The following PDE10A variants were observed in gnomAD, a reference collection of about 807,000 sequenced individuals.
The protein encoded by PDE10A is cAMP and cAMP-inhibited cGMP 3',5'-cyclic phosphodiesterase 10A.
In PDE10A, 39 loss-of-function variants were observed where a neutral mutation model predicts 97.7. The ratio of observed to expected loss-of-function variants is 0.40; its 90% CI spans 0.31 to 0.52. PDE10A has a LOEUF of 0.52. Among genes scored for constraint, PDE10A ranks in the 20% least tolerant of loss-of-function variants. The probability of loss-of-function intolerance (pLI) is 0.56; values close to 1 mark genes in which losing one functional copy is unlikely to be tolerated. For synonymous variants in PDE10A, 371 were observed against 376.8 expected (o/e 0.98, Z 0.18); for missense variants, 731 against 1,047.8 (o/e 0.70, Z 4.17).
At chr6:165,584,206 T>C (rs1785774654) in intron 1 of PDE10A, among the ~76,000 whole-genome samples, 1 of 152,176 alleles carries the variant, frequency 6.6e-6, no homozygotes, top group Non-Finnish European at 1.5e-5. Context: ...ACAACATGCT[T>C]GGTGCACAGT....
At position 165,475,654 on chromosome 6, in the gene PDE10A, T is replaced by C. The variant is rs182262842; in HGVS notation, c.1023+6661A>G. 3.5e-4 allele frequency among the ~76,000 whole-genome samples: 53 copies of C among 152,138 alleles called. No homozygotes were observed. In the East Asian group the frequency reaches 8.5e-3, roughly 24 times the overall value. On this transcript the variant is annotated intron_variant, in intron 3 of 21. Coordinates refer to ENST00000539869, the MANE Select transcript of PDE10A (RefSeq NM_001385079.1). ...AAGATCCCATTTAATATGCTGAGAG[T>C]TGGATGTGAGTTCATGCTCATGTCT... is the stretch of plus-strand genomic sequence containing the variant.
At chr6:165,896,906 G>C (rs960498728) in intron 1 of PDE10A, among the ~76,000 whole-genome samples, 1 of 152,120 alleles carries the variant, frequency 6.6e-6, no homozygotes, top group Non-Finnish European at 1.5e-5. Context: ...CAGACCTCAA[G>C]TGATCCACCC....
intron 6 of PDE10A, among the ~76,000 whole-genome samples, chr6:165,434,106 G>T (rs1056405451): frequency 6.7e-6 from 1 of 149,968 alleles, no homozygotes; most frequent in Non-Finnish European, 1.5e-5. Flanking sequence ...AATTTCTACT[G>T]TCTGTAAGAA....
At chr6:165,773,188 T>C (rs886664620) in intron 1 of PDE10A, 3 of 152,252 alleles carry the variant, frequency 2.0e-5, no homozygotes, top group African/African-American at 7.2e-5. Flanking sequence ...TAATCATTTC[T>C]TGTTCTTGTC....
chr6:165,554,141 C>CA (rs1471050505), intron 1 of PDE10A, among the ~76,000 whole-genome samples: 1 of 152,058 alleles, frequency 6.6e-6, no homozygotes, highest in Non-Finnish European at 1.5e-5. Flanking sequence ...CATAGGCAAC[C>CA]AAAGTAAACA....
chr6:165,830,479 C>G (rs561732845), intron 1 of PDE10A, among the ~76,000 whole-genome samples: 16 of 152,304 alleles, frequency 1.1e-4, no homozygotes, highest in South Asian at 1.0e-3. Flanking sequence ...ATATGAGGAT[C>G]TCGGTGGGGA....
chr6:165,346,369 T>C (rs2128183084), intron 18 of PDE10A, among the ~76,000 whole-genome samples: 1 of 152,212 alleles, frequency 6.6e-6, no homozygotes, highest in Admixed American at 6.5e-5. Flanking sequence ...TTAACACCCA[T>C]AAGAGTTATA....
At chr6:165,513,271 A>G (rs1450363371) in intron 2 of PDE10A, among the ~76,000 whole-genome samples, 1 of 152,074 alleles carries the variant, frequency 6.6e-6, no homozygotes, top group African/African-American at 2.4e-5. Flanking sequence ...TAATGTATGA[A>G]TATATAATTG....
chr6:165,939,704 G>GA (rs1174209749), intron 1 of PDE10A: 5 of 152,186 alleles, frequency 3.3e-5, no homozygotes, highest in African/African-American at 1.2e-4. Flanking sequence ...ATTGTCCTCA[G>GA]AAAACCCGTC....
intron 1 of PDE10A, among the ~76,000 whole-genome samples, chr6:165,654,012 A>G (rs886593469): frequency 6.6e-6 from 1 of 152,072 alleles, no homozygotes; most frequent in African/African-American, 2.4e-5. Context: ...TCAGCTCCAC[A>G]TATCAAATAC....
intron 1 of PDE10A, among the ~76,000 whole-genome samples, chr6:165,883,201 A>T (rs913663972): frequency 2.0e-5 from 3 of 152,112 alleles, no homozygotes; most frequent in Admixed American, 1.3e-4. Context: ...GTGCCACTGC[A>T]CTCCAGATTG....
intron 2 of PDE10A, among the ~76,000 whole-genome samples, chr6:165,502,629 C>T (rs1176294720): frequency 6.6e-6 from 1 of 152,178 alleles, no homozygotes; most frequent in Non-Finnish European, 1.5e-5. Flanking sequence ...CACTGCTAAA[C>T]ATGTGGTGTA....
intron 1 of PDE10A, among the ~76,000 whole-genome samples, chr6:165,942,301 T>C (rs1163500970): frequency 1.6e-5 from 2 of 123,042 alleles, no homozygotes; most frequent in East Asian, 4.3e-4. Context: ...TATATATATA[T>C]ATACACACAC....
At chr6:165,519,580 G>C (rs1373224337) in intron 2 of PDE10A, among the ~76,000 whole-genome samples, 1 of 152,052 alleles carries the variant, frequency 6.6e-6, no homozygotes. Context: ...AATACTCCCT[G>C]CTGCTCAATT....
chr6:165,708,549 A>T (rs1389978917), intron 1 of PDE10A, among the ~76,000 whole-genome samples: 1 of 151,244 alleles, frequency 6.6e-6, no homozygotes, highest in African/African-American at 2.4e-5. Flanking sequence ...CAGTGCCTCC[A>T]CCCCCACGCC....
At chr6:165,572,245 A>T (rs548431964) in intron 1 of PDE10A, among the ~76,000 whole-genome samples, 1 of 152,342 alleles carries the variant, frequency 6.6e-6, no homozygotes, top group South Asian at 2.1e-4. Context: ...AATTCTAATT[A>T]TCGAAGACGA....
chr6:165,365,647 G>A (rs182357104), intron 18 of PDE10A, among the ~76,000 whole-genome samples: 1 of 152,208 alleles, frequency 6.6e-6, no homozygotes, highest in African/African-American at 2.4e-5. Flanking sequence ...TTGAGCCTGG[G>A]AGGTCAAGGC....
intron 1 of PDE10A, among the ~76,000 whole-genome samples, chr6:165,830,553 C>A (rs1356300314): frequency 2.6e-5 from 4 of 152,086 alleles, no homozygotes; most frequent in African/African-American, 9.7e-5. Context: ...GCCTGCCCTC[C>A]ACCCCCACAG....
chr6:165,554,040 G>C (rs1784135946), intron 1 of PDE10A, among the ~76,000 whole-genome samples: 1 of 152,058 alleles, frequency 6.6e-6, no homozygotes, highest in Non-Finnish European at 1.5e-5. Flanking sequence ...TAACTCGGTG[G>C]GGGACTGGGG....
Sources: allele counts gnomAD v4.1 joint callset (sites outside exome capture counted in the v4.1 genomes callset), GRCh38; gene constraint gnomAD v4.1.1; transcripts MANE v1.5; gene names NCBI Gene and HGNC (gene_info 2026-07-23, HGNC 2026-07-21).